MCM6: variants seen among roughly 807,000 people sequenced by gnomAD.
MCM6 encodes the protein minichromosome maintenance complex component 6.
In MCM6, 46 loss-of-function variants were observed where a neutral mutation model predicts 94.3. That is an observed-to-expected ratio of 0.49 (90% CI 0.39 to 0.62). The LOEUF (loss-of-function observed/expected upper bound fraction) is 0.62, where lower values mean the gene tolerates loss of function less well. Among genes scored for constraint, MCM6 ranks in the 20% least tolerant of loss-of-function variants. The pLI is 0.00. For synonymous variants in MCM6, 335 were observed against 351.9 expected (o/e 0.95, Z 0.54); for missense variants, 865 against 1,017.9 (o/e 0.85, Z 2.04).
Position 135,867,920 on chromosome 2 carries a change from G to A in MCM6, c.615+691C>T, listed in dbSNP as rs553598792. Among the ~76,000 whole-genome samples the A allele has an allele frequency of 6.3e-3, 953 of 152,108 alleles. 11 individuals carry two copies. Among genetic ancestry groups the A allele is most frequent in the African/African-American group, 0.022 (914 of 41,496 alleles). ...TGGGCACCTGTAGTCCCAGCTACTC[G>A]GGAGGCTGAGGCAGGAGAATGGCGT... On this transcript the variant is annotated intron_variant, in intron 4 of 16. Transcript: ENST00000264156.
chr2:135,840,300 A>G lies in MCM6; in HGVS notation c.*535T>C, dbSNP rs894835337. Reference sequence around the variant, plus strand: ...CTCTAGCTTTCATATGAGTTCTCTAATGACTCCTTCTCATAGAAACCTCAT... The same window carrying G: ...CTCTAGCTTTCATATGAGTTCTCTAGTGACTCCTTCTCATAGAAACCTCAT... On this transcript the variant is annotated 3_prime_UTR_variant, in exon 17 of 17. Coordinates refer to ENST00000264156, the MANE Select transcript of MCM6 (RefSeq NM_005915.6). The G allele has an allele frequency of 6.6e-6, 1 of 151,972 alleles. No homozygotes were observed. The allele number at this position is 151,972 out of a possible 1,614,324, so 9.4% of individuals were successfully genotyped here. A position where few individuals can be genotyped will look rare whatever the true frequency, so the allele number is the denominator to read the frequency against.
intron 1 of MCM6, 123 bp from the exon 2 acceptor site, chr2:135,872,966 T>C (rs1680229718): frequency 3.5e-5 from 43 of 1,218,358 alleles, no homozygotes; most frequent in South Asian, 1.5e-4. Flanking sequence ...TTGGCAGTTC[T>C]GTAACTTGGG....
At chr2:135,875,141 G>GT (rs1267594173) in intron 1 of MCM6, among the ~76,000 whole-genome samples, 3 of 152,176 alleles carry the variant, frequency 2.0e-5, no homozygotes, top group Non-Finnish European at 4.4e-5. Context: ...CCAGGCGGGG[G>GT]GATCACCTGA....
At chr2:135,868,995 C>A in intron 3 of MCM6, 135 bp from the exon 4 acceptor site, 1 of 760,268 alleles carries the variant, frequency 1.3e-6, no homozygotes. Flanking sequence ...TTTGGACTCT[C>A]CTATAAGAAT....
In MCM6 at chr2:135,846,335, T is replaced by A; in HGVS notation, c.2111A>T (p.Asn704Ile). The A allele has an allele frequency of 6.2e-7, 1 of 1,614,166 alleles. No homozygotes were observed. Among genetic ancestry groups the A allele is most frequent in the South Asian group, 1.1e-5 (1 of 91,082 alleles). Residue 704 changes from asparagine (N) to isoleucine (I), a missense_variant, in exon 15 of 17, where the codon AAT becomes ATT. Around this residue, in one of 3 missense-constraint regions of MCM6, gnomAD observed 308 missense variants for 324.5 expected, o/e 0.95. Coordinates refer to ENST00000264156, the MANE Select transcript of MCM6 (RefSeq NM_005915.6). ...GGAGGCTTTGGGAGCAGACTCTTGA[T>A]TTATGTCTTCATTGTAGCCATTGAT... is the stretch of plus-strand genomic sequence containing the variant. ...NGINGYNEDINQESAPKASLR... is the reference protein window; with the variant it reads ...NGINGYNEDIIQESAPKASLR...
chr2:135,851,250 T>C, intron 13 of MCM6, 152 bp downstream of exon 13: 1 of 610,018 alleles, frequency 1.6e-6, no homozygotes, highest in East Asian at 2.8e-5. Context: ...TACCAAGCTC[T>C]TTAAAGGGAA....
At chr2:135,854,386 C>T (rs1260453408) in intron 11 of MCM6, among the ~76,000 whole-genome samples, 2 of 150,568 alleles carry the variant, frequency 1.3e-5, no homozygotes, top group African/African-American at 2.4e-5. Context: ...AAAAATTAGC[C>T]GGGCATGGTG....
In MCM6 at chr2:135,862,667, C is replaced by A. The variant is rs1680017909; in HGVS notation, c.1160G>T (p.Arg387Leu). 6.2e-7 allele frequency: 1 copy of A among 1,614,026 alleles called. No individual in the cohort carries two copies. The change falls in exon 8 of 17, where the codon CGA (arginine) becomes CTA (leucine). Residue 387 changes from arginine (R) to leucine (L), a missense_variant. By Grantham distance (102) the Arg-to-Leu change is moderately radical. Around this residue, in one of 3 missense-constraint regions of MCM6, gnomAD observed 153 missense variants for 241.5 expected, o/e 0.63. Coordinates refer to ENST00000264156, the MANE Select transcript of MCM6 (RefSeq NM_005915.6). ...AACAATGCAAACATTTATGTCCCCT[C>A]GAAGAGAGGTCCCTTCTCCTGTTGT... ...PKTTGEGTSL[R>L]GDINVCIVGD...
chr2:135,851,348 C>T (rs750954999), intron 13 of MCM6, 54 bp downstream of exon 13: 23 of 1,434,446 alleles, frequency 1.6e-5, no homozygotes, highest in Non-Finnish European at 2.1e-5. Flanking sequence ...AGATTAAAAA[C>T]ATGCAACAAA....
At chr2:135,858,376 A>T (rs1679929775) in intron 9 of MCM6, among the ~76,000 whole-genome samples, 1 of 152,054 alleles carries the variant, frequency 6.6e-6, no homozygotes, top group Non-Finnish European at 1.5e-5. Flanking sequence ...AATCCCAGAT[A>T]CTCGGGAGGC....
At chr2:135,870,197 G>T in intron 3 of MCM6, 54 bp downstream of exon 3, 1 of 1,296,096 alleles carries the variant, frequency 7.7e-7, no homozygotes, top group Non-Finnish European at 1.1e-6. Context: ...TGTCAGCTAA[G>T]TGGTACTTAT....
rs778810846 is a variant in MCM6 at position 135,862,588 on chromosome 2, G to C, written c.1220+19C>G. ...TATGTACACTTTTTCCTGCAACACT[G>C]TATCAGGCAAACGCTTACTTGAGAA... is the stretch of plus-strand genomic sequence containing the variant. On this transcript the variant is annotated intron_variant, in intron 8 of 16. Coordinates refer to ENST00000264156, the MANE Select transcript of MCM6 (RefSeq NM_005915.6). 3.1e-6 allele frequency: 5 copies of C among 1,613,772 alleles called. No individual in the cohort carries two copies. In the African/African-American group the frequency reaches 4.0e-5, roughly 13 times the overall value.
chr2:135,844,819 C>T lies in MCM6; in HGVS notation c.2210-135G>A, dbSNP rs1341272100. On this transcript the variant is annotated intron_variant, in intron 15 of 16. Coordinates refer to ENST00000264156, the MANE Select transcript of MCM6 (RefSeq NM_005915.6). ...AGCCGTCCGAAAGTACATCTGGTGACGTAAGGTCCGCAATGTTCTAGCATA... is the reference window on the plus strand; with the variant it reads ...AGCCGTCCGAAAGTACATCTGGTGATGTAAGGTCCGCAATGTTCTAGCATA... The T allele has an allele frequency of 8.7e-6, 7 of 805,856 alleles. No individual in the cohort carries two copies. The African/African-American group carries it at 8.9e-5, about 10-fold the overall frequency. The allele number at this position is 805,856 out of a possible 1,614,324, so 49.9% of individuals were successfully genotyped here.
At position 135,870,147 on chromosome 2, in the gene MCM6, A is replaced by G. The variant is rs933166907; in HGVS notation, c.365+104T>C. 11 of 729,810 alleles carry G rather than the reference A, an allele frequency of 1.5e-5. No homozygotes were observed. The Admixed American group carries it at 2.1e-4, about 14-fold the overall frequency. 45.2% of individuals were successfully genotyped at this position (729,810 alleles called of 1,614,324 possible). A position where few individuals can be genotyped will look rare whatever the true frequency, so the allele number is the denominator to read the frequency against. On this transcript the variant is annotated intron_variant, in intron 3 of 16. Transcript: ENST00000264156. Reference sequence around the variant, plus strand: ...GTGATTTGTATAATGTTAAATAGCCAGCTAATAGCAGATCAAGGCAACCTC... The same window carrying G: ...GTGATTTGTATAATGTTAAATAGCCGGCTAATAGCAGATCAAGGCAACCTC...
Position 135,848,047 on chromosome 2 carries a change from T to A in MCM6, c.2053+6A>T. 3.1e-6 allele frequency: 5 copies of A among 1,603,768 alleles called. No individual in the cohort carries two copies. The highest frequency in any genetic ancestry group is 2.2e-5 in the East Asian group (1 of 44,636). ...TCCAAAACAGTCACATGAACAAGTA[T>A]CTCACCATTGATGCCACCAGCACCC... On this transcript the variant is annotated splice_donor_region_variant and intron_variant, in intron 14 of 16. Coordinates refer to ENST00000264156, the MANE Select transcript of MCM6 (RefSeq NM_005915.6).
At chr2:135,853,955 A>C (rs545856596) in intron 11 of MCM6, among the ~76,000 whole-genome samples, 2 of 152,350 alleles carry the variant, frequency 1.3e-5, no homozygotes, top group East Asian at 1.9e-4. Flanking sequence ...GGCGGAACAC[A>C]GTGGCTCATG....
At chr2:135,872,555 A>G in intron 2 of MCM6, 142 bp downstream of exon 2, 1 of 790,632 alleles carries the variant, frequency 1.3e-6, no homozygotes, top group East Asian at 2.6e-5. Flanking sequence ...GACCACTGGC[A>G]GTATCAAAGC....
At chr2:135,867,809 G>C (rs1039877616) in intron 4 of MCM6, among the ~76,000 whole-genome samples, 1 of 152,094 alleles carries the variant, frequency 6.6e-6, no homozygotes, top group Non-Finnish European at 1.5e-5. Context: ...GGCGGATCAC[G>C]AAGTCAGGAG....
chr2:135,861,998 C>T (rs772829303), intron 8 of MCM6, among the ~76,000 whole-genome samples: 47 of 152,006 alleles, frequency 3.1e-4, no homozygotes, highest in Non-Finnish European at 1.9e-4. Flanking sequence ...CCAGAGGAAA[C>T]AAACAAAAAA....
Sources: allele counts gnomAD v4.1 joint callset (sites outside exome capture counted in the v4.1 genomes callset), GRCh38; gene constraint gnomAD v4.1.1; regional missense constraint gnomAD v4.1.1; transcripts MANE v1.5; gene names NCBI Gene and HGNC (gene_info 2026-07-23, HGNC 2026-07-21).